TMEM150C: variants seen among roughly 807,000 people sequenced by gnomAD.
The protein encoded by TMEM150C is tentonin 3.
TMEM150C carries 10 observed loss-of-function variants against 29.9 expected under a neutral mutation model. That is an observed-to-expected ratio of 0.33 (90% CI 0.21 to 0.57). The LOEUF (loss-of-function observed/expected upper bound fraction) is 0.57. TMEM150C is among the 20% of genes least tolerant of loss of function. The pLI, the probability that TMEM150C is intolerant of heterozygous loss-of-function variation, is 0.88. For missense variants in TMEM150C, 251 were observed against 303.6 expected, an observed-to-expected ratio of 0.83 and a Z score of 1.29; for synonymous variants, 101 against 112.5, an observed-to-expected ratio of 0.90 and a Z score of 0.64.
At chr4:82,546,554 C>G (rs994583802) in intron 1 of TMEM150C, among the ~76,000 whole-genome samples, 3 of 152,106 alleles carry the variant, frequency 2.0e-5, no homozygotes, top group African/African-American at 7.2e-5. Flanking sequence ...TGGGGCCGGG[C>G]GTGGTGGCTC....
At chr4:82,529,358 A>T (rs1350349301) in intron 1 of TMEM150C, among the ~76,000 whole-genome samples, 1 of 150,040 alleles carries the variant, frequency 6.7e-6, no homozygotes, top group African/African-American at 2.5e-5. Flanking sequence ...GCACAATCAC[A>T]GCTCACTCCA....
intron 1 of TMEM150C, among the ~76,000 whole-genome samples, chr4:82,513,159 A>C (rs1475420838): frequency 6.6e-6 from 1 of 152,216 alleles, no homozygotes; most frequent in Non-Finnish European, 1.5e-5. Context: ...ACTTCCCAGC[A>C]GGGGTCGAGA....
intron 1 of TMEM150C, among the ~76,000 whole-genome samples, chr4:82,511,472 A>ATTTTTTTTT (rs397935719): frequency 0.062 from 6,574 of 105,874 alleles, 658 homozygotes; most frequent in Admixed American, 0.16. Context: ...TCCCAACACT[A>ATTTTTTTTT]TTTTTTTTTT....
chr4:82,526,843 T>G (rs1272118107), intron 1 of TMEM150C, among the ~76,000 whole-genome samples: 2 of 152,156 alleles, frequency 1.3e-5, no homozygotes, highest in Non-Finnish European at 2.9e-5. Flanking sequence ...CAGTAAAGAC[T>G]ACATACTGAG....
At chr4:82,533,561 C>T (rs1724918550) in intron 1 of TMEM150C, among the ~76,000 whole-genome samples, 1 of 152,036 alleles carries the variant, frequency 6.6e-6, no homozygotes, top group Admixed American at 6.6e-5. Flanking sequence ...AACAGACAAA[C>T]AAAAAAGACA....
chr4:82,533,173 T>C (rs1021915040), intron 1 of TMEM150C, among the ~76,000 whole-genome samples: 1 of 136,762 alleles, frequency 7.3e-6, no homozygotes, highest in Non-Finnish European at 1.5e-5. Flanking sequence ...TCTTTTTAAC[T>C]GGTTATAACT....
At chr4:82,552,585 C>T (rs1471517923) in intron 1 of TMEM150C, among the ~76,000 whole-genome samples, 1 of 152,194 alleles carries the variant, frequency 6.6e-6, no homozygotes, top group Non-Finnish European at 1.5e-5. Flanking sequence ...GGCTACCTAG[C>T]TCACCTGTGA....
At chr4:82,514,578 G>A (rs1724232606) in intron 1 of TMEM150C, among the ~76,000 whole-genome samples, 1 of 152,064 alleles carries the variant, frequency 6.6e-6, no homozygotes, top group Non-Finnish European at 1.5e-5. Flanking sequence ...CTGATTCTTG[G>A]TGGTCAGAGG....
intron 1 of TMEM150C, among the ~76,000 whole-genome samples, chr4:82,513,849 G>C (rs1191646206): frequency 3.3e-5 from 5 of 152,230 alleles, no homozygotes; most frequent in Non-Finnish European, 7.3e-5. Flanking sequence ...AGGAAGCAAA[G>C]AAATAAAGTA....
chr4:82,515,834 A>AT (rs1724279859), intron 1 of TMEM150C, among the ~76,000 whole-genome samples: 1 of 151,988 alleles, frequency 6.6e-6, no homozygotes, highest in African/African-American at 2.4e-5. Context: ...AAACCAAAAA[A>AT]CCAAATCTGT....
At chr4:82,540,173 T>A (rs917870333) in intron 1 of TMEM150C, among the ~76,000 whole-genome samples, 17 of 140,392 alleles carry the variant, frequency 1.2e-4, no homozygotes, top group African/African-American at 4.7e-4. Context: ...TCTTGCTCTG[T>A]TGTCATGGCT....
intron 1 of TMEM150C, among the ~76,000 whole-genome samples, chr4:82,536,422 G>C (rs980207924): frequency 6.6e-6 from 1 of 151,566 alleles, no homozygotes; most frequent in Admixed American, 6.6e-5. Flanking sequence ...TTTTAAACGG[G>C]GAAAAAATGA....
chr4:82,533,510 T>C (rs1282426771), intron 1 of TMEM150C, among the ~76,000 whole-genome samples: 3 of 152,222 alleles, frequency 2.0e-5, no homozygotes, highest in African/African-American at 7.2e-5. Context: ...AGTTTTACAG[T>C]TATTTATCAA....
chr4:82,550,554 A>C (rs1560500471), intron 1 of TMEM150C, among the ~76,000 whole-genome samples: 1 of 152,198 alleles, frequency 6.6e-6, no homozygotes, highest in African/African-American at 2.4e-5. Context: ...TAATCCCAGC[A>C]CTTTGGGAGG....
intron 1 of TMEM150C, among the ~76,000 whole-genome samples, chr4:82,510,398 G>A (rs2110073331): frequency 6.6e-6 from 1 of 152,248 alleles, no homozygotes; most frequent in African/African-American, 2.4e-5. Flanking sequence ...TAAATAGAAG[G>A]ACTTTGTCCT....
At chr4:82,536,192 T>C (rs187227380) in intron 1 of TMEM150C, among the ~76,000 whole-genome samples, 6 of 151,970 alleles carry the variant, frequency 3.9e-5, no homozygotes, top group Non-Finnish European at 4.4e-5. Context: ...ACCCCATCTC[T>C]ACTAAAAACA....
At chr4:82,505,873 C>T (rs1723903425) in intron 1 of TMEM150C, among the ~76,000 whole-genome samples, 1 of 152,156 alleles carries the variant, frequency 6.6e-6, no homozygotes. Context: ...AAATAACTAT[C>T]ACTTTATGCC....
rs1021760260 is a variant in TMEM150C, at chr4:82,483,400, C to G, written c.*2111G>C. On this transcript the variant is annotated 3_prime_UTR_variant, in exon 8 of 8. Transcript: ENST00000449862. ...AAAATGAAAAAAAGAAACCCAAAAG[C>G]AGTATTCAAAACTAACAAATGTCAC... 6.6e-6 allele frequency: 1 copy of G among 152,156 alleles called. No homozygotes were observed. Among genetic ancestry groups the G allele is most frequent in the Admixed American group, 6.5e-5 (1 of 15,280 alleles). 9.4% of individuals were successfully genotyped at this position (152,156 alleles called of 1,614,324 possible).
intron 6 of TMEM150C, among the ~76,000 whole-genome samples, chr4:82,492,982 TA>T (rs572631518): frequency 2.7e-4 from 40 of 149,908 alleles, no homozygotes; most frequent in African/African-American, 9.2e-4. Context: ...TACATATTTT[TA>T]AAAAATTTTC....
Sources: gnomAD v4.1 joint callset for allele counts (sites outside exome capture counted in the v4.1 genomes callset) on GRCh38, gnomAD v4.1.1 for gene constraint, MANE v1.5 for transcripts, NCBI Gene and HGNC (gene_info 2026-07-23, HGNC 2026-07-21) for gene names.